Variants in FRMPD4 observed in about 807,000 individuals in gnomAD.
FRMPD4 encodes FERM and PDZ domain containing 4, also known as FERM and PDZ domain-containing protein 4.
A neutral mutation model predicts 94.1 loss-of-function variants in FRMPD4; 22 were observed. The observed-to-expected ratio is 0.23, with a 90% CI of 0.17 to 0.33. The LOEUF (loss-of-function observed/expected upper bound fraction) is 0.33, where lower values mean the gene tolerates loss of function less well. Among genes scored for constraint, FRMPD4 ranks in the 10% least tolerant of loss-of-function variants. The pLI is 1.00. For synonymous variants in FRMPD4, 631 were observed against 548.6 expected, an observed-to-expected ratio of 1.15 and a Z score of -2.10; for missense variants, 1,111 against 1,339.9, an observed-to-expected ratio of 0.83 and a Z score of 2.67.
Position 11,847,738 on chromosome X carries a change from T to G in FRMPD4, c.-160-17348T>G, listed in dbSNP as rs191357119. On this transcript the variant is annotated intron_variant, in intron 1 of 18. Coordinates refer to the FRMPD4 transcript ENST00000640291. The stretch of plus-strand genomic sequence containing the variant: ...TGAGCTAATGTCCTTTGTAGGGACA[T>G]GGATGAAATTGGAAATCATCATTCT... Among the ~76,000 whole-genome samples, 813 of 109,079 alleles carry G rather than the reference T, an allele frequency of 7.5e-3. 4 individuals carry two copies. Among genetic ancestry groups the G allele is most frequent in the Non-Finnish European group, 0.013 (696 of 52,517 alleles). The allele number at this position is 109,079 out of a possible 115,157, so 94.7% of individuals were successfully genotyped here. A position where few individuals can be genotyped will look rare whatever the true frequency, so the allele number is the denominator to read the frequency against.
chrX:12,585,921 ATCTATT>A (rs755397455), intron 2 of FRMPD4, among the ~76,000 whole-genome samples: 1 of 112,820 alleles, frequency 8.9e-6, no homozygotes, highest in East Asian at 2.8e-4. Context: ...ATATATCTAA[ATCTATT>A]TCATGAAATC....
At chrX:12,050,355 T>A (rs771293509) in intron 3 of FRMPD4, among the ~76,000 whole-genome samples, 8 of 112,068 alleles carry the variant, frequency 7.1e-5, no homozygotes, top group Admixed American at 2.8e-4. Context: ...TGTGCTGCAA[T>A]TGCCTACATA....
intron 1 of FRMPD4, among the ~76,000 whole-genome samples, chrX:12,166,271 A>G (rs2056116279): frequency 1.8e-5 from 2 of 111,945 alleles, no homozygotes; most frequent in African/African-American, 6.5e-5. Context: ...GGGCTGTTGA[A>G]TTTTGTCAAA....
chrX:12,317,604 C>CAAAAAAAAAAAAAAAAAAA (rs879024487), intron 1 of FRMPD4, among the ~76,000 whole-genome samples: 1 of 64,988 alleles, frequency 1.5e-5, no homozygotes, highest in African/African-American at 7.0e-5. Context: ...AAAAAAAAAA[C>CAAAAAAAAAAAAAAAAAAA]AAAAAAAACA....
At chrX:12,227,629 T>A (rs1276444682) in intron 1 of FRMPD4, among the ~76,000 whole-genome samples, 1 of 111,107 alleles carries the variant, frequency 9.0e-6, no homozygotes, top group Non-Finnish European at 1.9e-5. Flanking sequence ...AGTGAGACCC[T>A]ATCTCTACAA....
chrX:12,426,442 G>A (rs2056945906), intron 1 of FRMPD4, among the ~76,000 whole-genome samples: 1 of 111,443 alleles, frequency 9.0e-6, no homozygotes, highest in South Asian at 3.9e-4. Flanking sequence ...GATTATTCAT[G>A]GAATGGGAAA....
upstream of FRMPD4, among the ~76,000 whole-genome samples, chrX:12,135,795 G>T (rs558369621): frequency 9.0e-6 from 1 of 111,373 alleles, no homozygotes; most frequent in Non-Finnish European, 1.9e-5. Flanking sequence ...GATAAATAGG[G>T]TAATCCTTTT....
At chrX:12,095,918 T>TG (rs753233064) in intron 3 of FRMPD4, among the ~76,000 whole-genome samples, 2 of 112,388 alleles carry the variant, frequency 1.8e-5, no homozygotes, top group Non-Finnish European at 3.8e-5. Flanking sequence ...CTGCTTCCTG[T>TG]GAAAGCATGT....
chrX:12,277,234 A>T (rs1458895594), intron 1 of FRMPD4, among the ~76,000 whole-genome samples: 1 of 112,127 alleles, frequency 8.9e-6, no homozygotes. Context: ...GTAAGAAAAA[A>T]TACTTTTCCT....
intron 1 of FRMPD4, among the ~76,000 whole-genome samples, chrX:12,162,374 G>A (rs1239299797): frequency 8.9e-6 from 1 of 112,305 alleles, no homozygotes; most frequent in African/African-American, 3.2e-5. Context: ...TAAGAATAAA[G>A]TAAAGAGCCT....
At chrX:11,998,044 A>G (rs767742493) in intron 3 of FRMPD4, among the ~76,000 whole-genome samples, 4 of 111,653 alleles carry the variant, frequency 3.6e-5, no homozygotes, top group Admixed American at 9.5e-5. Flanking sequence ...TCTGATCGCA[A>G]TGACCTATTT....
intron 3 of FRMPD4, among the ~76,000 whole-genome samples, chrX:12,009,809 T>C (rs1307199431): frequency 8.9e-6 from 1 of 112,255 alleles, no homozygotes; most frequent in Non-Finnish European, 1.9e-5. Context: ...TTCTAAAGTG[T>C]TGGAGAAAAG....
At chrX:12,718,929 A>C (rs1021844839) in intron 16 of FRMPD4, 139 bp downstream of exon 16, 5 of 432,496 alleles carry the variant, frequency 1.2e-5, no homozygotes, top group Non-Finnish European at 1.6e-5. Flanking sequence ...GTAAAGTACC[A>C]ATCATTGATC....
chrX:12,407,935 A>C (rs2056685862), intron 1 of FRMPD4, among the ~76,000 whole-genome samples: 1 of 111,128 alleles, frequency 9.0e-6, no homozygotes, highest in East Asian at 2.8e-4. Flanking sequence ...CTTTTAAAAA[A>C]TGATAATAGT....
chrX:12,180,596 A>G (rs2056347485), intron 1 of FRMPD4, among the ~76,000 whole-genome samples: 1 of 112,666 alleles, frequency 8.9e-6, no homozygotes, highest in Non-Finnish European at 1.9e-5. Context: ...GCTGGAATAA[A>G]GAGCCTGTCT....
intron 2 of FRMPD4, among the ~76,000 whole-genome samples, chrX:12,581,641 TA>T (rs1168666787): frequency 8.9e-6 from 1 of 111,886 alleles, no homozygotes; most frequent in Non-Finnish European, 1.9e-5. Flanking sequence ...ATAAATGTCT[TA>T]CCAGGCCTCG....
At chrX:12,433,810 G>A (rs1265094999) in intron 1 of FRMPD4, among the ~76,000 whole-genome samples, 1 of 111,970 alleles carries the variant, frequency 8.9e-6, no homozygotes, top group East Asian at 2.8e-4. Flanking sequence ...TAGGAGTTCA[G>A]AGAAAGGAAA....
chrX:11,859,879 C>T (rs1016464788), intron 1 of FRMPD4, among the ~76,000 whole-genome samples: 1 of 112,104 alleles, frequency 8.9e-6, no homozygotes, highest in African/African-American at 3.2e-5. Flanking sequence ...ATAAAATGCT[C>T]ATTGCTATTT....
intron 15 of FRMPD4, 106 bp downstream of exon 15, chrX:12,717,239 T>C (rs2042108242): frequency 5.9e-6 from 3 of 511,748 alleles, no homozygotes; most frequent in Non-Finnish European, 9.4e-6. Flanking sequence ...ATTTCACACA[T>C]GTCCCATTTC....
Sources: allele counts gnomAD v4.1 joint callset (sites outside exome capture counted in the v4.1 genomes callset), GRCh38; gene constraint gnomAD v4.1.1; transcripts MANE v1.5; gene names NCBI Gene and HGNC (gene_info 2026-07-23, HGNC 2026-07-21).